SERINC3: variants seen among roughly 807,000 people sequenced by gnomAD.
SERINC3 encodes serine incorporator 3, also known as tumor differentially expressed protein 1.
In SERINC3, 22 loss-of-function variants were observed where a neutral mutation model predicts 52.1. The observed-to-expected ratio is 0.42, with a 90% confidence interval of 0.30 to 0.60. The LOEUF (loss-of-function observed/expected upper bound fraction) is 0.60, where lower values mean the gene tolerates loss of function less well. Among genes scored for constraint, SERINC3 ranks in the 20% least tolerant of loss-of-function variants. The probability of loss-of-function intolerance (pLI) is 0.16; values close to 1 mark genes in which losing one functional copy is unlikely to be tolerated. For missense variants in SERINC3, 564 were observed against 584.6 expected (o/e 0.96, Z 0.36); for synonymous variants, 226 against 212.7 (o/e 1.06, Z -0.54).
chr20:44,520,248 C>G (rs1162138774), intron 1 of SERINC3, among the ~76,000 whole-genome samples: 1 of 152,116 alleles, frequency 6.6e-6, no homozygotes. Context: ...TGGTGGCATA[C>G]ACTATAATCC....
intron 1 of SERINC3, among the ~76,000 whole-genome samples, chr20:44,520,054 TA>T (rs1467802390): frequency 1.3e-5 from 2 of 152,158 alleles, no homozygotes; most frequent in Non-Finnish European, 2.9e-5. Flanking sequence ...GTTAGGTCAG[TA>T]ACCAAAAGCC....
At chr20:44,511,211 G>T (rs2064345347) in intron 4 of SERINC3, 78 bp downstream of exon 4, 7 of 1,053,126 alleles carry the variant, frequency 6.6e-6, no homozygotes, top group Non-Finnish European at 1.0e-5. Flanking sequence ...ACTGCACCCG[G>T]CCTAAAATGT....
chr20:44,518,824 C>T (rs370999394), intron 1 of SERINC3, among the ~76,000 whole-genome samples: 2 of 152,090 alleles, frequency 1.3e-5, no homozygotes, highest in East Asian at 3.9e-4. Flanking sequence ...ATTAGCCAGG[C>T]GTGGTGGCAC....
chr20:44,509,040 ACT>A (rs1370274140), intron 5 of SERINC3, among the ~76,000 whole-genome samples: 1 of 152,174 alleles, frequency 6.6e-6, no homozygotes, highest in Non-Finnish European at 1.5e-5. Flanking sequence ...ATACACTTTG[ACT>A]CTTCTATTTC....
chr20:44,512,460 A>G (rs2064354204), intron 3 of SERINC3, among the ~76,000 whole-genome samples: 1 of 152,230 alleles, frequency 6.6e-6, no homozygotes, highest in African/African-American at 2.4e-5. Context: ...TTTATCAGGT[A>G]CATGTTTATC....
chr20:44,508,892 T>C (rs111801298), intron 5 of SERINC3, among the ~76,000 whole-genome samples: 2 of 152,400 alleles, frequency 1.3e-5, no homozygotes, highest in African/African-American at 4.8e-5. Flanking sequence ...CATGTTTTAG[T>C]CTTTATAAAG....
chr20:44,503,917 G>A lies in SERINC3; in HGVS notation c.953C>T (p.Ala318Val). 6.2e-7 allele frequency: 1 copy of A among 1,605,158 alleles called. No homozygotes were observed. Among genetic ancestry groups the A allele is most frequent in the South Asian group, 1.1e-5 (1 of 88,950 alleles). ...TGGTGGAGTAGGGGTAGGGACCACAGCAGTTGAATTTCCAGGAGCCAGGGT... is the reference window on the plus strand; with the variant it reads ...TGGTGGAGTAGGGGTAGGGACCACAACAGTTGAATTTCCAGGAGCCAGGGT... The part of the protein sequence containing the change: ...APTLAPGNST[A>V]VVPTPTPPSK... Residue 318 changes from alanine to valine, a missense_variant, in exon 8 of 10, where the codon GCT (alanine) becomes GTT (valine). Physicochemically the swap from Ala to Val is moderately conservative, Grantham distance 64. Transcript: ENST00000342374.
At position 44,504,829 on chromosome 20, in the gene SERINC3, G is replaced by A. The variant is rs777458244; in HGVS notation, c.846C>T (p.Leu282=). The A allele has an allele frequency of 1.8e-5, 29 of 1,612,158 alleles. No individual in the cohort carries two copies. The highest frequency in any genetic ancestry group is 2.4e-5 in the Non-Finnish European group (28 of 1,178,606). Residue 282 remains leucine (L), a synonymous_variant, in exon 7 of 10, where the codon CTC becomes CTT. Coordinates refer to ENST00000342374, the MANE Select transcript of SERINC3 (RefSeq NM_006811.4). Reference sequence around the variant, plus strand: ...GTTCATTGGACATGGCTGACCAGGTGAGGTACATAGTGTAGAGGGTGATGA... The same window carrying A: ...GTTCATTGGACATGGCTGACCAGGTAAGGTACATAGTGTAGAGGGTGATGA... ...SSLITLYTMY[L]TWSAMSNEPD... is the part of the protein sequence containing the mutation.
Position 44,506,979 on chromosome 20 carries a change from T to C in SERINC3, c.631A>G (p.Ser211Gly). 1 of 1,602,480 alleles carries C rather than the reference T, an allele frequency of 6.2e-7. No homozygotes were observed. The highest frequency in any genetic ancestry group is 8.5e-7 in the Non-Finnish European group (1 of 1,175,738). ...ATGATTGACAGGATATAAAAGGCGC[T>C]TGTGAAAGACAGTAAAGCTGGAGAA... Reference protein sequence around the residue: ...LWYAALLSFTSAFYILSIICV... With the variant: ...LWYAALLSFTGAFYILSIICV... The change falls in exon 6 of 10, where the codon AGC becomes GGC. Residue 211 changes from serine to glycine, a missense_variant. Coordinates refer to ENST00000342374, the MANE Select transcript of SERINC3 (RefSeq NM_006811.4).
chr20:44,514,835 C>T (rs1320521985), intron 1 of SERINC3, among the ~76,000 whole-genome samples: 1 of 152,124 alleles, frequency 6.6e-6, no homozygotes, highest in African/African-American at 2.4e-5. Context: ...CAGCAAGGGC[C>T]ATTTAGCTCA....
chr20:44,518,936 C>G (rs2064398198), intron 1 of SERINC3, among the ~76,000 whole-genome samples: 1 of 151,106 alleles, frequency 6.6e-6, no homozygotes. Flanking sequence ...TGCACTCCAG[C>G]CTGGGCAACA....
At chr20:44,503,608 A>G (rs2123036299) in intron 8 of SERINC3, among the ~76,000 whole-genome samples, 1 of 152,334 alleles carries the variant, frequency 6.6e-6, no homozygotes, top group East Asian at 1.9e-4. Flanking sequence ...AGATCCTGCC[A>G]CTGCACTCCA....
chr20:44,518,800 A>T (rs2123074652), intron 1 of SERINC3, among the ~76,000 whole-genome samples: 1 of 152,164 alleles, frequency 6.6e-6, no homozygotes, highest in South Asian at 2.1e-4. Context: ...CCCCATCTCT[A>T]CTAAAAATAC....
At chr20:44,520,298 G>A (rs1344541146) in intron 1 of SERINC3, among the ~76,000 whole-genome samples, 3 of 152,172 alleles carry the variant, frequency 2.0e-5, no homozygotes, top group African/African-American at 7.2e-5. Flanking sequence ...ATCCCTTGGA[G>A]GTTGAAGAGA....
chr20:44,507,963 A>T (rs1412816415), intron 5 of SERINC3, among the ~76,000 whole-genome samples: 4 of 152,240 alleles, frequency 2.6e-5, no homozygotes, highest in Non-Finnish European at 4.4e-5. Flanking sequence ...AAGAATGATG[A>T]GCTCAGCTAA....
intron 5 of SERINC3, 38 bp from the exon 6 acceptor site, chr20:44,507,034 T>C: frequency 1.4e-6 from 2 of 1,429,886 alleles, no homozygotes; most frequent in Non-Finnish European, 1.9e-6. Flanking sequence ...ACCACAACTA[T>C]AATAAACTAA....
At chr20:44,521,351 T>C (rs1377868748) in intron 1 of SERINC3, among the ~76,000 whole-genome samples, 9 of 152,222 alleles carry the variant, frequency 5.9e-5, no homozygotes, top group Non-Finnish European at 2.9e-5. Flanking sequence ...GGGGTGATTA[T>C]CCTCGGATAA....
Position 44,500,307 on chromosome 20 carries a change from C to T in SERINC3, c.1411G>A (p.Asp471Asn), listed in dbSNP as rs2064271095. The change falls in exon 10 of 10, where the codon GAC becomes AAC. Residue 471 changes from aspartate (D) to asparagine (N), a missense_variant. Physicochemically the swap from Asp to Asn is conservative, Grantham distance 23 (BLOSUM62 1). Transcript: ENST00000342374. ...LVAPLVLTSR[D>N]FS ...TGGCACTCAGAGGTTCAGCTGAAGT[C>T]CCGACTGGTGAGGACAAGTGGAGCC... is the stretch of plus-strand genomic sequence containing the variant. The T allele has an allele frequency of 1.9e-6, 3 of 1,611,734 alleles. No homozygotes were observed. The South Asian group carries it at 3.3e-5, about 18-fold the overall frequency.
At chr20:44,505,573 G>C (rs1287349073) in intron 6 of SERINC3, among the ~76,000 whole-genome samples, 5 of 151,938 alleles carry the variant, frequency 3.3e-5, no homozygotes, top group Non-Finnish European at 7.4e-5. Flanking sequence ...TGCCCGCCTT[G>C]GCCTCCCAAA....
Sources: gnomAD v4.1 joint callset for allele counts (sites outside exome capture counted in the v4.1 genomes callset) on GRCh38, gnomAD v4.1.1 for gene constraint, MANE v1.5 for transcripts, NCBI Gene and HGNC (gene_info 2026-07-23, HGNC 2026-07-21) for gene names.